Variants in ROBO2 observed in about 807,000 individuals in gnomAD.
ROBO2 encodes roundabout homolog 2.
A neutral mutation model predicts 160.8 loss-of-function variants in ROBO2; 53 were observed. The observed-to-expected ratio is 0.33, with a 90% CI of 0.26 to 0.41. ROBO2 has a LOEUF of 0.41. Among genes scored for constraint, ROBO2 ranks in the 10% least tolerant of loss-of-function variants. The pLI is 1.00. For missense variants in ROBO2, 1,577 were observed against 1,722.4 expected (o/e 0.92, Z 1.49); for synonymous variants, 664 against 611.7 (o/e 1.09, Z -1.26).
chr3:77,309,588 G>T (rs1372930237), intron 2 of ROBO2, among the ~76,000 whole-genome samples: 1 of 152,208 alleles, frequency 6.6e-6, no homozygotes, highest in East Asian at 1.9e-4. Flanking sequence ...TATTAAATGT[G>T]TTTATCTGGT....
chr3:76,191,885 A>G (rs1042953987), intron 2 of ROBO2, among the ~76,000 whole-genome samples: 4 of 151,962 alleles, frequency 2.6e-5, no homozygotes, highest in African/African-American at 9.7e-5. Context: ...TGTCATTCCA[A>G]CTATTTTCAC....
intron 2 of ROBO2, among the ~76,000 whole-genome samples, chr3:77,129,817 C>T (rs1224310889): frequency 6.6e-6 from 1 of 152,062 alleles, no homozygotes; most frequent in Non-Finnish European, 1.5e-5. Flanking sequence ...AGCAGACCAC[C>T]AAAGAGTGAC....
chr3:76,014,123 T>TG (rs1157257588), intron 2 of ROBO2, among the ~76,000 whole-genome samples: 2 of 147,210 alleles, frequency 1.4e-5, no homozygotes, highest in Non-Finnish European at 3.0e-5. Flanking sequence ...CTGGGTACAG[T>TG]GGCTTATGCG....
chr3:77,523,852 G>T (rs1468825739), intron 6 of ROBO2, among the ~76,000 whole-genome samples: 1 of 151,306 alleles, frequency 6.6e-6, no homozygotes, highest in Non-Finnish European at 1.5e-5. Context: ...CCAAGTCTCA[G>T]TTACATCTTA....
intron 2 of ROBO2, among the ~76,000 whole-genome samples, chr3:76,684,913 A>G (rs1464382313): frequency 6.6e-6 from 1 of 151,760 alleles, no homozygotes; most frequent in Non-Finnish European, 1.5e-5. Flanking sequence ...TTAGAAGAGA[A>G]TTAAAAACCC....
intron 2 of ROBO2, among the ~76,000 whole-genome samples, chr3:76,326,973 AT>A (rs2107968439): frequency 6.6e-6 from 1 of 152,112 alleles, no homozygotes; most frequent in South Asian, 2.1e-4. Flanking sequence ...TACATACATA[AT>A]TTTGTATCTT....
chr3:76,635,437 A>G (rs1387637745), intron 2 of ROBO2, among the ~76,000 whole-genome samples: 2 of 152,198 alleles, frequency 1.3e-5, no homozygotes, highest in Non-Finnish European at 2.9e-5. Flanking sequence ...AGTCTGTAAA[A>G]TGGAGTAAAT....
chr3:77,502,869 T>G (rs1220151433), intron 5 of ROBO2, among the ~76,000 whole-genome samples: 1 of 152,088 alleles, frequency 6.6e-6, no homozygotes, highest in Non-Finnish European at 1.5e-5. Context: ...GGGATGGCAG[T>G]CCTGGAACTA....
In ROBO2 at chr3:77,547,733, C is replaced by T. The variant is rs371114710; in HGVS notation, c.1059+1271C>T. On this transcript the variant is annotated intron_variant, in intron 7 of 25. Transcript: ENST00000461745. Reference sequence around the variant, plus strand: ...CCTCTTGTGATTTGTGGAATGTAAACGTAGTGACGGGAATGTAAGGAAAGG... The same window carrying T: ...CCTCTTGTGATTTGTGGAATGTAAATGTAGTGACGGGAATGTAAGGAAAGG... 1.8e-3 allele frequency among the ~76,000 whole-genome samples: 268 copies of T among 152,096 alleles called. 1 individual carries two copies. The highest frequency in any genetic ancestry group is 2.2e-3 in the Non-Finnish European group (149 of 67,978).
chr3:76,112,385 A>G (rs2070272908), intron 2 of ROBO2, among the ~76,000 whole-genome samples: 1 of 152,052 alleles, frequency 6.6e-6, no homozygotes, highest in Admixed American at 6.6e-5. Context: ...TAACCTAGTC[A>G]TATTTTTTCT....
chr3:77,616,669 A>G (rs937956083), intron 21 of ROBO2, among the ~76,000 whole-genome samples: 1 of 152,138 alleles, frequency 6.6e-6, no homozygotes, highest in African/African-American at 2.4e-5. Flanking sequence ...GTTTAAAAGG[A>G]TGTTATAATC....
intron 2 of ROBO2, among the ~76,000 whole-genome samples, chr3:76,380,035 A>G (rs1404371357): frequency 3.3e-5 from 5 of 151,996 alleles, no homozygotes; most frequent in African/African-American, 7.2e-5. Flanking sequence ...TATAACCAGT[A>G]TCACTAAAAA....
intron 2 of ROBO2, among the ~76,000 whole-genome samples, chr3:77,136,042 G>C (rs78760218): frequency 1.3e-5 from 2 of 152,128 alleles, no homozygotes; most frequent in Non-Finnish European, 2.9e-5. Flanking sequence ...ACAGTACATA[G>C]AGTAGCAATA....
At chr3:76,366,445 C>T (rs1426065133) in intron 2 of ROBO2, among the ~76,000 whole-genome samples, 2 of 151,918 alleles carry the variant, frequency 1.3e-5, no homozygotes, top group African/African-American at 4.8e-5. Context: ...AGTATCTGTC[C>T]ACTGAATAAA....
At chr3:77,140,977 G>A (rs565213827) in intron 2 of ROBO2, among the ~76,000 whole-genome samples, 1 of 152,220 alleles carries the variant, frequency 6.6e-6, no homozygotes, top group Admixed American at 6.5e-5. Context: ...GTGTCAGATA[G>A]TGAGTTACTT....
chr3:76,812,889 G>T (rs922219522), intron 2 of ROBO2, among the ~76,000 whole-genome samples: 4 of 140,408 alleles, frequency 2.8e-5, no homozygotes, highest in African/African-American at 1.1e-4. Flanking sequence ...CAATAAAAGT[G>T]TCCTGGCACA....
intron 2 of ROBO2, among the ~76,000 whole-genome samples, chr3:76,938,384 T>G (rs561532689): frequency 4.4e-4 from 64 of 146,536 alleles, no homozygotes; most frequent in African/African-American, 1.5e-3. Context: ...GGCTGCATAT[T>G]GTCCCTCATC....
At chr3:77,285,874 T>C (rs1008489643) in intron 2 of ROBO2, among the ~76,000 whole-genome samples, 17 of 152,200 alleles carry the variant, frequency 1.1e-4, no homozygotes, top group Non-Finnish European at 5.9e-5. Flanking sequence ...AAATAAATGT[T>C]ATTTATTTTT....
chr3:76,185,664 T>C (rs138549225), intron 2 of ROBO2, among the ~76,000 whole-genome samples: 2 of 152,196 alleles, frequency 1.3e-5, no homozygotes, highest in Admixed American at 6.5e-5. Context: ...ATATTATTTG[T>C]TACAATTCAT....
Sources: gnomAD v4.1 joint callset for allele counts (sites outside exome capture counted in the v4.1 genomes callset) on GRCh38, gnomAD v4.1.1 for gene constraint, MANE v1.5 for transcripts, NCBI Gene and HGNC (gene_info 2026-07-23, HGNC 2026-07-21) for gene names.